The following A3GALT2 variants were observed in gnomAD, a reference collection of about 807,000 sequenced individuals.
The protein encoded by A3GALT2 is alpha 1,3-galactosyltransferase 2, also known as alpha-1,3-galactosyltransferase 2.
A neutral mutation model predicts 16.6 loss-of-function variants in A3GALT2; 14 were observed. That is an observed-to-expected ratio of 0.84 (90% confidence interval 0.56 to 1.32). The LOEUF is 1.32. Among genes scored for constraint, A3GALT2 ranks in the 40% most tolerant of loss-of-function variants. The pLI is 0.00. For synonymous variants in A3GALT2, 253 were observed against 218.0 expected (o/e 1.16, Z -1.42); for missense variants, 600 against 490.9 (o/e 1.22, Z -2.10).
intron 1 of A3GALT2, among the ~76,000 whole-genome samples, chr1:33,318,012 ACT>A (rs893645552): frequency 1.3e-5 from 2 of 152,154 alleles, no homozygotes; most frequent in Admixed American, 1.3e-4. Context: ...ATTTATATGT[ACT>A]CTCTGGAAAA....
chr1:33,309,614 C>T (rs574608781), intron 4 of A3GALT2, among the ~76,000 whole-genome samples: 1 of 152,112 alleles, frequency 6.6e-6, no homozygotes, highest in African/African-American at 2.4e-5. Flanking sequence ...ACACTCCTCA[C>T]CTCCCAGACG....
chr1:33,310,583 A>G (rs57998505), intron 4 of A3GALT2, among the ~76,000 whole-genome samples: 13,188 of 152,178 alleles, frequency 0.087, 827 homozygotes, highest in East Asian at 0.18. Context: ...TGTCTCATCT[A>G]AAGAGCGTTA....
At chr1:33,308,606 C>T (rs145527867) in intron 4 of A3GALT2, among the ~76,000 whole-genome samples, 1,863 of 151,838 alleles carry the variant, frequency 0.012, 19 homozygotes, top group Non-Finnish European at 0.017. Context: ...GGGGTTTCAC[C>T]GTGTTGGCCA....
intron 1 of A3GALT2, chr1:33,313,780 G>A (rs1646248730): frequency 6.6e-6 from 1 of 152,222 alleles, no homozygotes; most frequent in African/African-American, 2.4e-5. Flanking sequence ...CCACTCATTA[G>A]CTCTCTGACC....
In A3GALT2 at chr1:33,307,418, G is replaced by C; in HGVS notation, c.371C>G (p.Thr124Arg). Residue 124 changes from threonine to arginine, a missense_variant, in exon 5 of 5, where the codon ACG becomes AGG. Coordinates refer to ENST00000442999, the MANE Select transcript of A3GALT2 (RefSeq NM_001080438.1). ...GCCCGCCATGAAGTGCTGCTCCGCC[G>C]TCTCCAGGAAGCGCTCCAGGTACTT... ...LEKYLERFLE[T>R]AEQHFMAGQS... is the part of the protein sequence containing the mutation. 1 of 1,547,620 alleles carries C rather than the reference G, an allele frequency of 6.5e-7. No homozygotes were observed. The highest frequency in any genetic ancestry group is 1.2e-5 in the South Asian group (1 of 86,896).
chr1:33,310,565 A>G (rs758302875), intron 4 of A3GALT2, among the ~76,000 whole-genome samples: 4 of 152,168 alleles, frequency 2.6e-5, no homozygotes, highest in Non-Finnish European at 4.4e-5. Flanking sequence ...TTCTATGTCA[A>G]TGTGCATTGT....
intron 1 of A3GALT2, among the ~76,000 whole-genome samples, chr1:33,318,069 G>A (rs1227272269): frequency 6.6e-6 from 1 of 152,174 alleles, no homozygotes; most frequent in Non-Finnish European, 1.5e-5. Flanking sequence ...TAACTAATAC[G>A]GAGAGGCAGA....
chr1:33,315,062 C>T (rs574685334), intron 1 of A3GALT2, among the ~76,000 whole-genome samples: 8 of 151,904 alleles, frequency 5.3e-5, no homozygotes, highest in South Asian at 4.2e-4. Flanking sequence ...GCCCGGGCAA[C>T]GGAGCAAGAC....
In A3GALT2 at chr1:33,312,092, G is replaced by T. The variant is rs1646235423; in HGVS notation, c.295C>A (p.Gln99Lys). 1 of 1,613,580 alleles carries T rather than the reference G, an allele frequency of 6.2e-7. No homozygotes were observed. Among genetic ancestry groups the T allele is most frequent in the Non-Finnish European group, 8.5e-7 (1 of 1,179,850 alleles). The change falls in exon 4 of 5, where the codon CAG (glutamine) becomes AAG (lysine). Residue 99 changes from glutamine to lysine, a missense_variant. Physicochemically the swap from Gln to Lys is moderately conservative, Grantham distance 53. Transcript: ENST00000442999. The stretch of plus-strand genomic sequence containing the variant: ...ATAGTCAGCCCAATGGTGAGGTTCT[G>T]CTGTCTAGCCTCTTGCTTGGCCACA... ...PDVAKQEARQ[Q>K]NLTIGLTIFA...
At position 33,309,762 on chromosome 1, in the gene A3GALT2, C is replaced by T. The variant is rs1057303288; in HGVS notation, c.335+2290G>A. Among the ~76,000 whole-genome samples, 119 of 150,908 alleles carry T rather than the reference C, an allele frequency of 7.9e-4. 1 individual carries two copies. Among genetic ancestry groups the T allele is most frequent in the Middle Eastern group, 3.5e-3 (1 of 284 alleles). ...CAGACGATGGGCGGCCGGGCAGAGA[C>T]GCTCCTCACTTCCTAGACGGGATGG... On this transcript the variant is annotated intron_variant, in intron 4 of 4. Coordinates refer to ENST00000442999, the MANE Select transcript of A3GALT2 (RefSeq NM_001080438.1).
In A3GALT2 at chr1:33,316,470, A is replaced by G. The variant is rs114924822; in HGVS notation, c.24-3580T>C. Among the ~76,000 whole-genome samples, 498 of 152,282 alleles carry G rather than the reference A, an allele frequency of 3.3e-3. 1 individual carries two copies. The highest frequency in any genetic ancestry group is 0.011 in the African/African-American group (466 of 41,562). Reference sequence around the variant, plus strand: ...CAAAAAACCCAAAAACCAACAAACAAAAAAACCCTCCACAAACCTGAAAGT... The same window carrying G: ...CAAAAAACCCAAAAACCAACAAACAGAAAAACCCTCCACAAACCTGAAAGT... On this transcript the variant is annotated intron_variant, in intron 1 of 4. Transcript: ENST00000442999.
Position 33,307,041 on chromosome 1 carries a change from C to T in A3GALT2, c.748G>A (p.Asp250Asn). 1 of 1,498,554 alleles carries T rather than the reference C, an allele frequency of 6.7e-7. No individual in the cohort carries two copies. 92.8% of individuals were successfully genotyped at this position (1,498,554 alleles called of 1,614,324 possible). A position where few individuals can be genotyped will look rare whatever the true frequency, so the allele number is the denominator to read the frequency against. Residue 250 changes from aspartate to asparagine, a missense_variant, in exon 5 of 5, where the codon GAC (aspartate) becomes AAC (asparagine). Coordinates refer to ENST00000442999, the MANE Select transcript of A3GALT2 (RefSeq NM_001080438.1). ...AACACCGCCGCGTGGTTATAGAAGTCGCCCTGGCCCCACGCCATCGCGGCG... is the reference window on the plus strand; with the variant it reads ...AACACCGCCGCGTGGTTATAGAAGTTGCCCTGGCCCCACGCCATCGCGGCG... ...SAAAMAWGQG[D>N]FYNHAAVFGG... is the part of the protein sequence containing the mutation.
intron 4 of A3GALT2, among the ~76,000 whole-genome samples, chr1:33,308,590 A>G (rs1646215004): frequency 6.6e-6 from 1 of 151,582 alleles, no homozygotes; most frequent in Non-Finnish European, 1.5e-5. Flanking sequence ...TATTTTTAGT[A>G]GAGATGGGGT....
intron 1 of A3GALT2, among the ~76,000 whole-genome samples, chr1:33,318,751 C>T (rs566350708): frequency 2.7e-4 from 41 of 152,292 alleles, no homozygotes; most frequent in African/African-American, 8.4e-4. Flanking sequence ...GCCTTGACAT[C>T]TCCTCCGTTA....
intron 1 of A3GALT2, chr1:33,313,684 G>A (rs1048538762): frequency 6.6e-6 from 1 of 152,204 alleles, no homozygotes; most frequent in African/African-American, 2.4e-5. Context: ...ACCTTCCTGA[G>A]TACTCACGTA....
intron 1 of A3GALT2, chr1:33,313,608 G>A (rs575623608): frequency 1.3e-5 from 2 of 152,092 alleles, no homozygotes; most frequent in Non-Finnish European, 2.9e-5. Context: ...TCGTTTTCCA[G>A]GAAGGGCTCC....
At chr1:33,316,590 T>G in intron 1 of A3GALT2, among the ~76,000 whole-genome samples, 1 of 142,794 alleles carries the variant, frequency 7.0e-6, no homozygotes, top group South Asian at 2.2e-4. Flanking sequence ...CCCTGGGAGG[T>G]ATCAGGGGCA....
chr1:33,319,428 C>T (rs1456120435), intron 1 of A3GALT2, among the ~76,000 whole-genome samples: 1 of 152,170 alleles, frequency 6.6e-6, no homozygotes, highest in African/African-American at 2.4e-5. Context: ...CTCTGCAAGG[C>T]TGGGCGGCCT....
At chr1:33,316,600 A>C (rs1380571229) in intron 1 of A3GALT2, among the ~76,000 whole-genome samples, 1 of 152,030 alleles carries the variant, frequency 6.6e-6, no homozygotes, top group East Asian at 1.9e-4. Context: ...TATCAGGGGC[A>C]ACACCAGGGA....
Sources: allele counts gnomAD v4.1 joint callset (sites outside exome capture counted in the v4.1 genomes callset), GRCh38; gene constraint gnomAD v4.1.1; transcripts MANE v1.5; gene names NCBI Gene and HGNC (gene_info 2026-07-23, HGNC 2026-07-21).